Variants in RBFOX1 observed in about 807,000 individuals in gnomAD.
The protein encoded by RBFOX1 is RNA binding fox-1 homolog 1.
A neutral mutation model predicts 57.7 loss-of-function variants in RBFOX1; 8 were observed. The observed-to-expected ratio is 0.14, with a 90% confidence interval of 0.08 to 0.25. The LOEUF is 0.25. Among genes scored for constraint, RBFOX1 ranks in the 10% least tolerant of loss-of-function variants. RBFOX1 has a pLI of 1.00. For missense variants in RBFOX1, 611 were observed against 548.5 expected (o/e 1.11, Z -1.14); for synonymous variants, 326 against 222.4 (o/e 1.47, Z -4.15).
At chr16:6,763,353 G>T (rs751270678) in intron 3 of RBFOX1, among the ~76,000 whole-genome samples, 2 of 152,132 alleles carry the variant, frequency 1.3e-5, no homozygotes, top group African/African-American at 2.4e-5. Flanking sequence ...CATCACCAGT[G>T]ATTACTTTCC....
At chr16:7,710,379 T>A in intron 15 of RBFOX1, 4 of 1,360,668 alleles carry the variant, frequency 2.9e-6, no homozygotes, top group Non-Finnish European at 3.8e-6. Flanking sequence ...TATAATAGAG[T>A]CCTTTTAGCT....
chr16:6,616,611 C>G (rs954382050), intron 2 of RBFOX1, among the ~76,000 whole-genome samples: 7 of 152,158 alleles, frequency 4.6e-5, no homozygotes, highest in Non-Finnish European at 1.0e-4. Context: ...GGAGGCGGAG[C>G]TTGCAGTGAG....
intron 1 of RBFOX1, among the ~76,000 whole-genome samples, chr16:6,217,750 C>T (rs890013023): frequency 6.6e-6 from 1 of 152,164 alleles, no homozygotes; most frequent in Non-Finnish European, 1.5e-5. Context: ...CACAGTGGCT[C>T]GTGCCTGTAA....
At chr16:6,442,471 C>T (rs1245467270) in intron 2 of RBFOX1, among the ~76,000 whole-genome samples, 3 of 151,838 alleles carry the variant, frequency 2.0e-5, no homozygotes, top group East Asian at 1.9e-4. Context: ...GCAGGAGAAT[C>T]GCTTGAGCCT....
chr16:5,375,745 G>A (rs12928642), intron 1 of RBFOX1, among the ~76,000 whole-genome samples: 28,071 of 152,188 alleles, frequency 0.18, 2,723 homozygotes, highest in African/African-American at 0.19. Context: ...GTGGTGGGCC[G>A]GATTTGGCCT....
chr16:7,073,249 C>T (rs749378008), intron 4 of RBFOX1, among the ~76,000 whole-genome samples: 12 of 152,132 alleles, frequency 7.9e-5, no homozygotes, highest in African/African-American at 1.9e-4. Flanking sequence ...GTGACTGAGA[C>T]TATTTTACCT....
chr16:7,354,299 T>C (rs2097177283), intron 4 of RBFOX1, among the ~76,000 whole-genome samples: 1 of 152,240 alleles, frequency 6.6e-6, no homozygotes, highest in Non-Finnish European at 1.5e-5. Context: ...GTGTGAACTT[T>C]GTGGAATATG....
At chr16:7,188,353 A>G (rs1416096873) in intron 4 of RBFOX1, among the ~76,000 whole-genome samples, 1 of 152,226 alleles carries the variant, frequency 6.6e-6, no homozygotes, top group East Asian at 1.9e-4. Flanking sequence ...CTGCATTAGA[A>G]TGTTCTGATA....
intron 3 of RBFOX1, among the ~76,000 whole-genome samples, chr16:6,959,540 C>T (rs536095760): frequency 1.3e-5 from 2 of 152,118 alleles, no homozygotes; most frequent in Admixed American, 1.3e-4. Context: ...TGCATTTGGA[C>T]CCAGGTCTCA....
intron 4 of RBFOX1, among the ~76,000 whole-genome samples, chr16:5,973,841 T>G (rs916387307): frequency 3.9e-5 from 6 of 152,238 alleles, no homozygotes; most frequent in African/African-American, 1.4e-4. Context: ...TACTTGGGGC[T>G]TATCCAAACT....
chr16:6,791,444 A>C (rs1295145418), intron 3 of RBFOX1, among the ~76,000 whole-genome samples: 6 of 152,148 alleles, frequency 3.9e-5, no homozygotes, highest in Admixed American at 3.9e-4. Flanking sequence ...AAAAAATTGT[A>C]AAGAACTTCA....
intron 3 of RBFOX1, among the ~76,000 whole-genome samples, chr16:7,035,094 C>A (rs146168140): frequency 6.6e-6 from 1 of 151,634 alleles, no homozygotes; most frequent in Non-Finnish European, 1.5e-5. Flanking sequence ...GTGATCCACC[C>A]GTCTTGGCCT....
intron 4 of RBFOX1, among the ~76,000 whole-genome samples, chr16:7,212,383 T>C (rs2091306835): frequency 1.3e-5 from 2 of 152,258 alleles, no homozygotes; most frequent in Middle Eastern, 3.4e-3. Flanking sequence ...GCTTGATGAC[T>C]GAGGAACACT....
At chr16:6,025,099 A>G (rs1032450909) in intron 1 of RBFOX1, among the ~76,000 whole-genome samples, 2 of 152,240 alleles carry the variant, frequency 1.3e-5, no homozygotes, top group Non-Finnish European at 2.9e-5. Context: ...GCAGAGAGAT[A>G]CCAGGATATA....
intron 3 of RBFOX1, among the ~76,000 whole-genome samples, chr16:6,921,077 C>A (rs116940150): frequency 0.013 from 2,040 of 152,250 alleles, 23 homozygotes; most frequent in Non-Finnish European, 0.021. Flanking sequence ...TTGGTTTGAG[C>A]TCCTGCACCA....
chr16:5,447,181 C>T (rs1005443760), intron 1 of RBFOX1, among the ~76,000 whole-genome samples: 1 of 152,142 alleles, frequency 6.6e-6, no homozygotes, highest in African/African-American at 2.4e-5. Flanking sequence ...CTACAATAAC[C>T]TTCCCCTCAA....
At chr16:7,121,152 A>G (rs564233036) in intron 4 of RBFOX1, among the ~76,000 whole-genome samples, 25 of 152,164 alleles carry the variant, frequency 1.6e-4, no homozygotes, top group African/African-American at 5.8e-4. Flanking sequence ...CCCCACAGCT[A>G]ATATCATACT....
At chr16:6,821,656 C>A (rs1480758753) in intron 3 of RBFOX1, among the ~76,000 whole-genome samples, 1 of 152,180 alleles carries the variant, frequency 6.6e-6, no homozygotes, top group East Asian at 1.9e-4. Context: ...CCTTTTTCAT[C>A]TGACTTCTTT....
intron 3 of RBFOX1, among the ~76,000 whole-genome samples, chr16:7,012,907 G>A (rs2093720332): frequency 6.6e-6 from 1 of 152,128 alleles, no homozygotes; most frequent in African/African-American, 2.4e-5. Flanking sequence ...CAAGATCAGG[G>A]TGCCAAGATG....
Sources: allele counts gnomAD v4.1 joint callset (sites outside exome capture counted in the v4.1 genomes callset), GRCh38; gene constraint gnomAD v4.1.1; transcripts MANE v1.5; gene names NCBI Gene and HGNC (gene_info 2026-07-23, HGNC 2026-07-21).